SHISA6: variants seen among roughly 807,000 people sequenced by gnomAD.
SHISA6 encodes shisa family member 6.
SHISA6 carries 22 observed loss-of-function variants against 47.9 expected under a neutral mutation model. That is an observed-to-expected ratio of 0.46 (90% CI 0.33 to 0.66). SHISA6 has a LOEUF of 0.66. Ranked by LOEUF, SHISA6 falls within the 30% of genes least tolerant of loss-of-function variation. The pLI is 0.02. For synonymous variants in SHISA6, 388 were observed against 337.8 expected (o/e 1.15, Z -1.63); for missense variants, 680 against 764.6 (o/e 0.89, Z 1.30).
rs1299505376 is a variant in SHISA6 at position 11,561,987 on chromosome 17, C to T, written c.*3683C>T. 2 of 152,106 alleles carry T rather than the reference C, an allele frequency of 1.3e-5. No homozygotes were observed. Among genetic ancestry groups the T allele is most frequent in the Non-Finnish European group, 2.9e-5 (2 of 68,114 alleles). The allele number at this position is 152,106 out of a possible 1,614,324, so 9.4% of individuals were successfully genotyped here. On this transcript the variant is annotated 3_prime_UTR_variant, in exon 6 of 6. Coordinates refer to ENST00000441885, the MANE Select transcript of SHISA6 (RefSeq NM_207386.4). The stretch of plus-strand genomic sequence containing the variant: ...TGGCCTGTGATAGTCAGTTTGGTTC[C>T]TGCCACTAGCAAGTCCCCTGAAGCT...
chr17:11,360,992 A>G (rs1217198874), intron 2 of SHISA6, among the ~76,000 whole-genome samples: 2 of 150,252 alleles, frequency 1.3e-5, no homozygotes, highest in South Asian at 2.1e-4. Context: ...ACTGATTTGA[A>G]TGTCGTCTTT....
rs916043773 is a variant in SHISA6 at position 11,253,187 on chromosome 17, G to T, written c.639-10179G>T. Among the ~76,000 whole-genome samples the T allele has an allele frequency of 1.3e-4, 20 of 152,242 alleles. No homozygotes were observed. In the East Asian group the frequency reaches 1.4e-3, roughly 10 times the overall value. On this transcript the variant is annotated intron_variant, in intron 1 of 5. Coordinates refer to ENST00000441885, the MANE Select transcript of SHISA6 (RefSeq NM_207386.4). ...TTTGATTCCTGTTCAGTTCTGTCGA[G>T]CTGTGTTCCTTCTCCCCTCTCTGTC... is the stretch of plus-strand genomic sequence containing the variant.
chr17:11,391,861 G>A (rs1295727255), intron 3 of SHISA6, among the ~76,000 whole-genome samples: 2 of 152,178 alleles, frequency 1.3e-5, no homozygotes, highest in Non-Finnish European at 2.9e-5. Context: ...CCCAGAGGAT[G>A]TCTTTGAGTT....
chr17:11,497,619 C>G (rs1471504195), intron 3 of SHISA6, among the ~76,000 whole-genome samples: 2 of 152,222 alleles, frequency 1.3e-5, no homozygotes, highest in African/African-American at 2.4e-5. Context: ...AAAATCTTTT[C>G]CTTGACCCCA....
chr17:11,501,645 G>A (rs1054260632), intron 3 of SHISA6, among the ~76,000 whole-genome samples: 7 of 152,096 alleles, frequency 4.6e-5, no homozygotes, highest in African/African-American at 1.4e-4. Flanking sequence ...GGAGCGATGA[G>A]AATTCAGATG....
chr17:11,520,223 T>C (rs2071618340), intron 3 of SHISA6, among the ~76,000 whole-genome samples: 1 of 152,168 alleles, frequency 6.6e-6, no homozygotes, highest in African/African-American at 2.4e-5. Flanking sequence ...AAATGGAACT[T>C]CTGACTTTAC....
intron 3 of SHISA6, among the ~76,000 whole-genome samples, chr17:11,537,844 A>T (rs1433297987): frequency 6.6e-6 from 1 of 152,266 alleles, no homozygotes; most frequent in African/African-American, 2.4e-5. Flanking sequence ...CATTCAATGT[A>T]TAAATAGTTG....
intron 2 of SHISA6, chr17:11,289,363 A>G (rs1280176937): frequency 2.0e-5 from 3 of 151,850 alleles, no homozygotes; most frequent in Non-Finnish European, 4.4e-5. Context: ...CATGAGTTAA[A>G]CTGTCCTCTA....
intron 3 of SHISA6, among the ~76,000 whole-genome samples, chr17:11,550,598 G>C (rs1041483044): frequency 1.9e-4 from 29 of 152,280 alleles, no homozygotes; most frequent in African/African-American, 7.0e-4. Flanking sequence ...GACGATGATT[G>C]AAGTTTCACA....
At chr17:11,276,227 C>T (rs1313331600) in intron 2 of SHISA6, among the ~76,000 whole-genome samples, 1 of 152,072 alleles carries the variant, frequency 6.6e-6, no homozygotes, top group African/African-American at 2.4e-5. Flanking sequence ...ATCCGCCCGT[C>T]TCAGCCTCCT....
At chr17:11,509,617 A>T (rs2071527160) in intron 3 of SHISA6, among the ~76,000 whole-genome samples, 1 of 152,136 alleles carries the variant, frequency 6.6e-6, no homozygotes, top group Non-Finnish European at 1.5e-5. Flanking sequence ...TCTCTCCAAA[A>T]CTCCTGCCCT....
intron 3 of SHISA6, among the ~76,000 whole-genome samples, chr17:11,515,658 G>A (rs1675952996): frequency 6.6e-6 from 1 of 152,122 alleles, no homozygotes; most frequent in African/African-American, 2.4e-5. Context: ...GAGGCAGAAT[G>A]TACCCTTTGT....
intron 3 of SHISA6, among the ~76,000 whole-genome samples, chr17:11,425,474 G>C (rs533968852): frequency 6.6e-6 from 1 of 152,018 alleles, no homozygotes; most frequent in South Asian, 2.1e-4. Context: ...TCCATTTCCA[G>C]CTTTTGTTCC....
At chr17:11,401,264 C>T (rs1913763525) in intron 3 of SHISA6, among the ~76,000 whole-genome samples, 1 of 152,180 alleles carries the variant, frequency 6.6e-6, no homozygotes, top group African/African-American at 2.4e-5. Flanking sequence ...AGTGCAATCT[C>T]CCCTCACTGC....
chr17:11,319,796 G>A (rs1222879169), intron 2 of SHISA6, among the ~76,000 whole-genome samples: 2 of 152,226 alleles, frequency 1.3e-5, no homozygotes, highest in Admixed American at 1.3e-4. Flanking sequence ...CTAGTCATTG[G>A]AGACAGACAT....
intron 3 of SHISA6, among the ~76,000 whole-genome samples, chr17:11,508,062 C>G (rs2071515038): frequency 6.6e-6 from 1 of 152,216 alleles, no homozygotes; most frequent in Non-Finnish European, 1.5e-5. Context: ...AAGCCTTCTG[C>G]TAAAGCAGCT....
chr17:11,347,738 C>T (rs559417333), intron 2 of SHISA6, among the ~76,000 whole-genome samples: 2 of 152,222 alleles, frequency 1.3e-5, no homozygotes, highest in Non-Finnish European at 2.9e-5. Context: ...AACCTACCTA[C>T]GAACAAGGAA....
At chr17:11,474,047 T>C (rs907500296) in intron 3 of SHISA6, among the ~76,000 whole-genome samples, 1 of 152,194 alleles carries the variant, frequency 6.6e-6, no homozygotes, top group Non-Finnish European at 1.5e-5. Flanking sequence ...TTGAGAATGA[T>C]GGCTTCCAGC....
chr17:11,315,011 G>T (rs1287622965), intron 2 of SHISA6, among the ~76,000 whole-genome samples: 1 of 152,186 alleles, frequency 6.6e-6, no homozygotes, highest in Non-Finnish European at 1.5e-5. Context: ...AAATCAGTGA[G>T]ATTTTAGAAG....
Sources: gnomAD v4.1 joint callset for allele counts (sites outside exome capture counted in the v4.1 genomes callset) on GRCh38, gnomAD v4.1.1 for gene constraint, MANE v1.5 for transcripts, NCBI Gene and HGNC (gene_info 2026-07-23, HGNC 2026-07-21) for gene names.